The following FOXP4 variants were observed in gnomAD, a reference collection of about 807,000 sequenced individuals.
FOXP4 encodes forkhead box protein P4.
Under a neutral mutation model 82.6 loss-of-function variants are expected in FOXP4, and 25 were observed. The ratio of observed to expected loss-of-function variants is 0.30; its 90% CI spans 0.22 to 0.42. The LOEUF is 0.42. Among genes scored for constraint, FOXP4 ranks in the 10% least tolerant of loss-of-function variants. The pLI, the probability that FOXP4 is intolerant of heterozygous loss-of-function variation, is 1.00. For missense variants in FOXP4, 785 were observed against 900.9 expected (o/e 0.87, Z 1.65); for synonymous variants, 415 against 388.2 (o/e 1.07, Z -0.81).
At chr6:41,555,595 C>T (rs1764230267) in intron 1 of FOXP4, among the ~76,000 whole-genome samples, 1 of 152,234 alleles carries the variant, frequency 6.6e-6, no homozygotes, top group Non-Finnish European at 1.5e-5. Context: ...CTCCAGATGG[C>T]CATTCAGGCC....
intron 2 of FOXP4, 126 bp downstream of exon 2, chr6:41,566,090 G>A: frequency 9.6e-7 from 1 of 1,043,802 alleles, no homozygotes. Flanking sequence ...TCTTAAGACA[G>A]TCCAGCCTCC....
chr6:41,594,447 T>A (rs554184616), intron 13 of FOXP4, among the ~76,000 whole-genome samples: 1 of 152,320 alleles, frequency 6.6e-6, no homozygotes, highest in East Asian at 1.9e-4. Flanking sequence ...TGCATGCAGC[T>A]GAGATGAAGC....
rs190551516 is a variant in FOXP4 at position 41,597,595 on chromosome 6, C to T, written c.1726-186C>T. 2.4e-3 allele frequency among the ~76,000 whole-genome samples: 363 copies of T among 152,150 alleles called. 2 individuals carry two copies. Among genetic ancestry groups the T allele is most frequent in the African/African-American group, 8.4e-3 (349 of 41,512 alleles). ...GAGGTCGGGGGGTCAGAGTTCCAGC[C>T]ATGGGGGAGGGGTGCTACATTCAAA... On this transcript the variant is annotated intron_variant, in intron 15 of 16. Transcript: ENST00000307972.
At chr6:41,569,101 G>A (rs1232519340) in intron 2 of FOXP4, among the ~76,000 whole-genome samples, 3 of 152,162 alleles carry the variant, frequency 2.0e-5, no homozygotes, top group African/African-American at 7.2e-5. Context: ...GAGTGACAGA[G>A]CCATATCACC....
intron 2 of FOXP4, among the ~76,000 whole-genome samples, chr6:41,577,129 G>A (rs1765531483): frequency 6.6e-6 from 1 of 152,030 alleles, no homozygotes. Flanking sequence ...ACCCACTGGA[G>A]TGATTCCTCC....
At chr6:41,581,630 G>A (rs1023297621) in intron 3 of FOXP4, among the ~76,000 whole-genome samples, 2 of 152,232 alleles carry the variant, frequency 1.3e-5, no homozygotes, top group African/African-American at 4.8e-5. Context: ...GACCCCCAAG[G>A]GGCACAAGGA....
chr6:41,589,331 C>G (rs1766350166), intron 9 of FOXP4, among the ~76,000 whole-genome samples: 1 of 152,264 alleles, frequency 6.6e-6, no homozygotes, highest in South Asian at 2.1e-4. Context: ...AGAGGGTGGT[C>G]ATGAGAGACC....
At chr6:41,589,376 A>G (rs186659956) in intron 9 of FOXP4, among the ~76,000 whole-genome samples, 127 of 152,366 alleles carry the variant, frequency 8.3e-4, no homozygotes, top group African/African-American at 2.9e-3. Flanking sequence ...TGAGCCATTC[A>G]TCAGTTCCTG....
At chr6:41,549,822 C>T (rs549355065) in intron 1 of FOXP4, among the ~76,000 whole-genome samples, 2 of 152,070 alleles carry the variant, frequency 1.3e-5, no homozygotes, top group African/African-American at 4.8e-5. Context: ...GGTTGTCTCC[C>T]CAGGAAGCCT....
intron 2 of FOXP4, among the ~76,000 whole-genome samples, chr6:41,568,979 G>A (rs1765034204): frequency 1.3e-5 from 2 of 152,216 alleles, no homozygotes; most frequent in Non-Finnish European, 2.9e-5. Context: ...GGGGTGACCT[G>A]GCTTGGCTGC....
At chr6:41,569,715 G>A (rs1000902313) in intron 2 of FOXP4, among the ~76,000 whole-genome samples, 3 of 152,172 alleles carry the variant, frequency 2.0e-5, no homozygotes, top group African/African-American at 4.8e-5. Flanking sequence ...TCTGGAGTGC[G>A]CACTCCCATT....
At chr6:41,570,472 T>A (rs1322361229) in intron 2 of FOXP4, 1 of 450,618 alleles carries the variant, frequency 2.2e-6, no homozygotes, top group East Asian at 7.1e-5. Flanking sequence ...ATCCCCCTTG[T>A]TGTACCCCTC....
At chr6:41,598,178 A>C (rs1348226533) in intron 16 of FOXP4, among the ~76,000 whole-genome samples, 978 of 55,578 alleles carry the variant, frequency 0.018, no homozygotes, top group Admixed American at 0.026. Flanking sequence ...TCTCCTCCCC[A>C]TTTTCCCCCT....
intron 2 of FOXP4, among the ~76,000 whole-genome samples, chr6:41,567,591 C>CAA (rs1358640546): frequency 6.6e-6 from 1 of 152,208 alleles, no homozygotes; most frequent in African/African-American, 2.4e-5. Context: ...ACTGTGCAGA[C>CAA]AGAGTTATGA....
rs575950388 is a variant in FOXP4 at position 41,582,704 on chromosome 6, G to A, written c.301-2065G>A. On this transcript the variant is annotated intron_variant, in intron 3 of 16. Coordinates refer to ENST00000307972, the MANE Select transcript of FOXP4 (RefSeq NM_001012426.2). The stretch of plus-strand genomic sequence containing the variant: ...CTGGCTCTGGAGTTGGGTCTATGCC[G>A]TTGTCTGCCTCCAACCCCAGGCCCA... Among the ~76,000 whole-genome samples the A allele has an allele frequency of 7.7e-4, 111 of 144,910 alleles. 2 individuals are homozygous for A. The highest frequency in any genetic ancestry group is 5.5e-3 in the South Asian group (25 of 4,578).
intron 2 of FOXP4, among the ~76,000 whole-genome samples, chr6:41,575,417 G>C (rs549459969): frequency 1.6e-4 from 25 of 152,280 alleles, no homozygotes. Context: ...AGAGTGGTGA[G>C]TGAGGACCCA....
chr6:41,594,726 T>A lies in FOXP4; in HGVS notation c.1537-144T>A, dbSNP rs565732792. On this transcript the variant is annotated intron_variant, in intron 13 of 16. Transcript: ENST00000307972. The stretch of plus-strand genomic sequence containing the variant: ...CCGCCTTCCCTTTGGCTGGGTCTCC[T>A]CCCAGCCCACCCCCCTCCCCTGCTC... 7.6e-5 allele frequency: 99 copies of A among 1,305,480 alleles called. No individual in the cohort carries two copies. The East Asian group carries it at 2.3e-3, about 31-fold the overall frequency. 80.9% of individuals were successfully genotyped at this position (1,305,480 alleles called of 1,614,324 possible).
chr6:41,597,162 T>A lies in FOXP4; in HGVS notation c.1659-14T>A, dbSNP rs533134365. On this transcript the variant is annotated splice_polypyrimidine_tract_variant and intron_variant, in intron 14 of 16. Transcript: ENST00000307972. ...TGAATGAGTGAGCCAAAGATGGCCTTCTCTGTCCTCCAGGAGCCCCACCCT... is the reference window on the plus strand; with the variant it reads ...TGAATGAGTGAGCCAAAGATGGCCTACTCTGTCCTCCAGGAGCCCCACCCT... 1 of 1,614,038 alleles carries A rather than the reference T, an allele frequency of 6.2e-7. No homozygotes were observed. The highest frequency in any genetic ancestry group is 2.2e-5 in the East Asian group (1 of 44,864).
chr6:41,548,120 T>C (rs1256076137), intron 1 of FOXP4, among the ~76,000 whole-genome samples: 1 of 152,152 alleles, frequency 6.6e-6, no homozygotes, highest in African/African-American at 2.4e-5. Context: ...CGCGCCCCGC[T>C]CTTTCCTTTG....
Sources: allele counts gnomAD v4.1 joint callset (sites outside exome capture counted in the v4.1 genomes callset), GRCh38; gene constraint gnomAD v4.1.1; transcripts MANE v1.5; gene names NCBI Gene and HGNC (gene_info 2026-07-23, HGNC 2026-07-21).